PLEKHA7: variants seen among roughly 807,000 people sequenced by gnomAD.
PLEKHA7 encodes pleckstrin homology domain-containing family A member 7.
In PLEKHA7, 104 loss-of-function variants were observed where a neutral mutation model predicts 170.0. The observed-to-expected ratio is 0.61, with a 90% CI of 0.52 to 0.72. The LOEUF is 0.72. Ranked by LOEUF, PLEKHA7 falls within the 30% of genes least tolerant of loss-of-function variation. PLEKHA7 has a pLI of 0.00. For synonymous variants in PLEKHA7, 648 were observed against 660.8 expected, an observed-to-expected ratio of 0.98 and a Z score of 0.30; for missense variants, 1,615 against 1,671.7, an observed-to-expected ratio of 0.97 and a Z score of 0.59.
chr11:17,012,710 G>C (rs1301860918), intron 3 of PLEKHA7, among the ~76,000 whole-genome samples: 6 of 152,114 alleles, frequency 3.9e-5, no homozygotes, highest in Non-Finnish European at 7.3e-5. Flanking sequence ...ACGTGTGAAC[G>C]TGTGGCACAC....
chr11:16,807,414 G>A (rs1356124001), intron 13 of PLEKHA7, among the ~76,000 whole-genome samples: 3 of 152,008 alleles, frequency 2.0e-5, no homozygotes, highest in Admixed American at 6.6e-5. Flanking sequence ...TCCTCCCATG[G>A]GCCATGGGAC....
At chr11:16,990,386 C>G (rs1565186261) in intron 3 of PLEKHA7, among the ~76,000 whole-genome samples, 2 of 151,828 alleles carry the variant, frequency 1.3e-5, no homozygotes, top group Non-Finnish European at 2.9e-5. Context: ...ACCATCCGGG[C>G]TCCACCTTAT....
chr11:16,811,352 C>T (rs945974107), intron 13 of PLEKHA7, among the ~76,000 whole-genome samples: 2 of 152,188 alleles, frequency 1.3e-5, no homozygotes, highest in Non-Finnish European at 2.9e-5. Context: ...GGCCCAGGTG[C>T]ACTATGGATG....
intron 3 of PLEKHA7, among the ~76,000 whole-genome samples, chr11:16,986,641 G>A (rs73429212): frequency 0.034 from 5,137 of 152,188 alleles, 310 homozygotes; most frequent in African/African-American, 0.12. Context: ...AAGACGCCCT[G>A]GCCCAGGAGT....
chr11:16,885,317 G>A (rs145342812), intron 3 of PLEKHA7, among the ~76,000 whole-genome samples: 2,339 of 148,592 alleles, frequency 0.016, 61 homozygotes, highest in African/African-American at 0.054. Context: ...GCGACAGAGT[G>A]AGACTCCATC....
At chr11:16,834,620 G>C (rs1026936683) in intron 9 of PLEKHA7, among the ~76,000 whole-genome samples, 1 of 152,224 alleles carries the variant, frequency 6.6e-6, no homozygotes, top group African/African-American at 2.4e-5. Context: ...CCTCCTGCCT[G>C]AGTCACTTCT....
intron 3 of PLEKHA7, among the ~76,000 whole-genome samples, chr11:16,941,103 T>C (rs1860666616): frequency 1.3e-5 from 2 of 152,196 alleles, no homozygotes; most frequent in South Asian, 2.1e-4. Context: ...CCAAGTGAGC[T>C]TCCCTTACTG....
In PLEKHA7 at chr11:16,931,764, C is replaced by G. The variant is rs56794211; in HGVS notation, c.222-60582G>C. 8.2e-3 allele frequency among the ~76,000 whole-genome samples: 544 copies of G among 66,622 alleles called. 5 individuals are homozygous for G. Among genetic ancestry groups the G allele is most frequent in the East Asian group, 0.014 (16 of 1,126 alleles). 43.7% of individuals were successfully genotyped at this position (66,622 alleles called of 152,430 possible). A position where few individuals can be genotyped will look rare whatever the true frequency, so the allele number is the denominator to read the frequency against. The stretch of plus-strand genomic sequence containing the variant: ...AGTGAATGAGATTCCATCCCCCCCC[C>G]CCCAAAAAAAAAAAAGGGAAGAAGA... On this transcript the variant is annotated intron_variant, in intron 3 of 26. Transcript: ENST00000531066.
At chr11:16,851,435 A>C in intron 7 of PLEKHA7, 144 bp from the exon 8 acceptor site, 1 of 477,582 alleles carries the variant, frequency 2.1e-6, no homozygotes, top group Non-Finnish European at 3.7e-6. Flanking sequence ...GCAAAGCTCT[A>C]CCCATTCTTT....
chr11:16,990,454 G>A (rs979603196), intron 3 of PLEKHA7, among the ~76,000 whole-genome samples: 1 of 152,066 alleles, frequency 6.6e-6, no homozygotes, highest in African/African-American at 2.4e-5. Context: ...TTCAGTGACA[G>A]GAATACCACC....
intron 3 of PLEKHA7, among the ~76,000 whole-genome samples, chr11:16,948,342 A>G (rs1225463286): frequency 6.6e-6 from 1 of 152,242 alleles, no homozygotes; most frequent in Non-Finnish European, 1.5e-5. Flanking sequence ...CAGAATAAGT[A>G]TGCGAGATAT....
Position 16,817,147 on chromosome 11 carries a change from T to A in PLEKHA7, c.1519A>T (p.Met507Leu), listed in dbSNP as rs781189849. ...YAQDRASHLKMSSEERRAHRD... is the reference protein window; with the variant it reads ...YAQDRASHLKLSSEERRAHRD... ...TGCGCCCGGCGCTCTTCACTCGACATCTTCAGGTGGCTGGCTCGGTCCTGC... is the reference window on the plus strand; with the variant it reads ...TGCGCCCGGCGCTCTTCACTCGACAACTTCAGGTGGCTGGCTCGGTCCTGC... Residue 507 changes from methionine to leucine, a missense_variant, in exon 11 of 27, where the codon ATG becomes TTG. Transcript: ENST00000531066. The surrounding 1 kb of genome is among the most constrained non-coding windows in gnomAD (Gnocchi z 4.4). The A allele has an allele frequency of 5.0e-6, 8 of 1,614,212 alleles. No individual in the cohort carries two copies. The South Asian group carries it at 6.6e-5, about 13-fold the overall frequency.
chr11:16,872,719 C>T (rs947259478), intron 3 of PLEKHA7, among the ~76,000 whole-genome samples: 1 of 152,084 alleles, frequency 6.6e-6, no homozygotes, highest in Non-Finnish European at 1.5e-5. Context: ...TGAGATCTCA[C>T]TATGTTGCAT....
intron 23 of PLEKHA7, 156 bp downstream of exon 23, chr11:16,788,940 G>T (rs762453668): frequency 6.6e-6 from 6 of 914,672 alleles, no homozygotes; most frequent in Non-Finnish European, 9.8e-6. Context: ...CGTCCAGCCT[G>T]GGTCGTGGAC....
intron 9 of PLEKHA7, among the ~76,000 whole-genome samples, chr11:16,839,434 T>C (rs1338701187): frequency 6.7e-6 from 1 of 149,328 alleles, no homozygotes; most frequent in African/African-American, 2.4e-5. Flanking sequence ...ACATTTAATA[T>C]ATATTTAATA....
intron 3 of PLEKHA7, among the ~76,000 whole-genome samples, chr11:16,977,823 A>G (rs941146596): frequency 2.0e-5 from 3 of 152,170 alleles, no homozygotes; most frequent in Non-Finnish European, 2.9e-5. Context: ...GGGCAACTTA[A>G]GTAAGTTATT....
At chr11:16,808,253 G>A (rs1284373100) in intron 13 of PLEKHA7, among the ~76,000 whole-genome samples, 1 of 152,128 alleles carries the variant, frequency 6.6e-6, no homozygotes, top group Non-Finnish European at 1.5e-5. Context: ...GTCTCTAAGG[G>A]GTAGGACCCA....
At chr11:16,912,800 A>C (rs1322901847) in intron 3 of PLEKHA7, among the ~76,000 whole-genome samples, 1 of 152,130 alleles carries the variant, frequency 6.6e-6, no homozygotes, top group Non-Finnish European at 1.5e-5. Flanking sequence ...ATGCTCAGAT[A>C]TTCTCACAGG....
In PLEKHA7 at chr11:16,817,380, G is replaced by A. The variant is rs2134722506; in HGVS notation, c.1344-58C>T. 4 of 1,502,666 alleles carry A rather than the reference G, an allele frequency of 2.7e-6. No individual in the cohort carries two copies. Among genetic ancestry groups the A allele is most frequent in the Non-Finnish European group, 2.7e-6 (3 of 1,115,766 alleles). The allele number at this position is 1,502,666 out of a possible 1,614,324, so 93.1% of individuals were successfully genotyped here. Reference sequence around the variant, plus strand: ...CCAAGCGAGGGTTCTGCAGGCTTTGGGGAACATATCTAAGTAAACCCACAA... The same window carrying A: ...CCAAGCGAGGGTTCTGCAGGCTTTGAGGAACATATCTAAGTAAACCCACAA... On this transcript the variant is annotated intron_variant, in intron 10 of 26. Coordinates refer to ENST00000531066, the MANE Select transcript of PLEKHA7 (RefSeq NM_001329630.2). This position sits in a 1 kb window ranked among gnomAD's most constrained non-coding sequence, Gnocchi z 4.4.
Sources: gnomAD v4.1 joint callset for allele counts (sites outside exome capture counted in the v4.1 genomes callset) on GRCh38, gnomAD v4.1.1 for gene constraint, Gnocchi (gnomAD v3.1) non-coding constraint, MANE v1.5 for transcripts, NCBI Gene and HGNC (gene_info 2026-07-23, HGNC 2026-07-21) for gene names.